Variants in L3MBTL4 observed in about 807,000 individuals in gnomAD.
The protein encoded by L3MBTL4 is L3MBTL histone methyl-lysine binding protein 4.
L3MBTL4 carries 70 observed loss-of-function variants against 84.5 expected under a neutral mutation model. That is an observed-to-expected ratio of 0.83 (90% CI 0.68 to 1.01). The LOEUF (loss-of-function observed/expected upper bound fraction) is 1.01. Ranked by LOEUF, L3MBTL4 falls within the 50% of genes least tolerant of loss-of-function variation. The probability of loss-of-function intolerance (pLI) is 0.00; values close to 1 mark genes in which losing one functional copy is unlikely to be tolerated. For missense variants in L3MBTL4, 715 were observed against 754.8 expected (o/e 0.95, Z 0.62); for synonymous variants, 274 against 259.8 (o/e 1.05, Z -0.52).
intron 16 of L3MBTL4, among the ~76,000 whole-genome samples, chr18:6,070,008 C>A (rs942137633): frequency 3.9e-5 from 6 of 151,932 alleles, no homozygotes; most frequent in Non-Finnish European, 5.9e-5. Flanking sequence ...AGAAAAATAT[C>A]CAGGCTGAAG....
At chr18:6,032,168 G>A (rs572478328) in intron 16 of L3MBTL4, 44 of 306,846 alleles carry the variant, frequency 1.4e-4, no homozygotes, top group African/African-American at 6.7e-4. Flanking sequence ...TGGTAGAGAC[G>A]GGGTTTCACT....
At chr18:6,191,550 G>A (rs959569830) in intron 12 of L3MBTL4, among the ~76,000 whole-genome samples, 1 of 152,166 alleles carries the variant, frequency 6.6e-6, no homozygotes, top group Non-Finnish European at 1.5e-5. Context: ...CGGACAAGTC[G>A]AGTAGGTAGA....
At chr18:6,093,230 T>C in intron 15 of L3MBTL4, 125 bp downstream of exon 15, 1 of 767,420 alleles carries the variant, frequency 1.3e-6, no homozygotes, top group Non-Finnish European at 2.0e-6. Flanking sequence ...GCGAACCTAA[T>C]AATATCCAGA....
intron 1 of L3MBTL4, among the ~76,000 whole-genome samples, chr18:6,361,527 A>G (rs2053694624): frequency 6.6e-6 from 1 of 152,194 alleles, no homozygotes; most frequent in African/African-American, 2.4e-5. Flanking sequence ...GAACTAAGGT[A>G]GATCAGATTA....
intron 13 of L3MBTL4, among the ~76,000 whole-genome samples, chr18:6,138,753 C>G (rs753810067): frequency 6.6e-6 from 1 of 152,054 alleles, no homozygotes; most frequent in Non-Finnish European, 1.5e-5. Flanking sequence ...GGTTTCACCA[C>G]GTTGGCCAGG....
intron 5 of L3MBTL4, among the ~76,000 whole-genome samples, chr18:6,256,243 T>C (rs2048133437): frequency 6.6e-6 from 1 of 152,222 alleles, no homozygotes; most frequent in African/African-American, 2.4e-5. Flanking sequence ...TTCTATTTAA[T>C]GTATAGGCAT....
intron 16 of L3MBTL4, among the ~76,000 whole-genome samples, chr18:6,042,565 G>C (rs146123675): frequency 1.1e-3 from 165 of 152,250 alleles, no homozygotes; most frequent in Non-Finnish European, 1.9e-3. Flanking sequence ...CAACACAATG[G>C]GTTTTCCGTC....
At chr18:6,338,525 G>C (rs1399215486) in intron 1 of L3MBTL4, among the ~76,000 whole-genome samples, 1 of 151,638 alleles carries the variant, frequency 6.6e-6, no homozygotes, top group East Asian at 1.9e-4. Flanking sequence ...TATAAAGAAA[G>C]GATAGAGATT....
At chr18:6,265,055 C>T (rs1286105231) in intron 4 of L3MBTL4, among the ~76,000 whole-genome samples, 1 of 152,100 alleles carries the variant, frequency 6.6e-6, no homozygotes, top group Non-Finnish European at 1.5e-5. Context: ...TGATATACTA[C>T]TAAGTAGGAA....
chr18:6,228,168 A>G (rs1161314391), intron 10 of L3MBTL4, among the ~76,000 whole-genome samples: 1 of 152,208 alleles, frequency 6.6e-6, no homozygotes, highest in Non-Finnish European at 1.5e-5. Flanking sequence ...AATTCAAAGG[A>G]GAACAAATAG....
At chr18:6,167,012 A>G (rs2043699839) in intron 13 of L3MBTL4, among the ~76,000 whole-genome samples, 1 of 152,238 alleles carries the variant, frequency 6.6e-6, no homozygotes, top group South Asian at 2.1e-4. Context: ...CCGATCCCAC[A>G]GAAATACAAA....
chr18:6,370,958 T>C (rs2054136555), intron 1 of L3MBTL4, among the ~76,000 whole-genome samples: 1 of 152,200 alleles, frequency 6.6e-6, no homozygotes, highest in Non-Finnish European at 1.5e-5. Context: ...GCACAGAGCA[T>C]TGTGGGGAAT....
intron 5 of L3MBTL4, among the ~76,000 whole-genome samples, chr18:6,252,228 G>T (rs1186710387): frequency 6.6e-6 from 1 of 152,136 alleles, no homozygotes; most frequent in Non-Finnish European, 1.5e-5. Flanking sequence ...CAGGAGAATT[G>T]CTTGAACCTG....
At chr18:6,364,809 CAG>C in intron 1 of L3MBTL4, among the ~76,000 whole-genome samples, 1 of 151,868 alleles carries the variant, frequency 6.6e-6, no homozygotes, top group Non-Finnish European at 1.5e-5. Context: ...TCTCAGATGT[CAG>C]TAAAGTCTTT....
chr18:6,208,556 T>TG (rs2045969045), intron 12 of L3MBTL4, among the ~76,000 whole-genome samples: 2 of 152,240 alleles, frequency 1.3e-5, no homozygotes, highest in Admixed American at 1.3e-4. Context: ...AGGGCAAATA[T>TG]TTATCAAATG....
At chr18:6,229,151 CA>C (rs1365836552) in intron 10 of L3MBTL4, among the ~76,000 whole-genome samples, 1 of 152,152 alleles carries the variant, frequency 6.6e-6, no homozygotes, top group Non-Finnish European at 1.5e-5. Context: ...AATTAAGAGA[CA>C]GTACTGGAAA....
intron 16 of L3MBTL4, chr18:6,029,808 AT>A (rs2055694182): frequency 1.0e-6 from 1 of 985,330 alleles, no homozygotes; most frequent in South Asian, 4.7e-5. Flanking sequence ...ATTTGGAAAA[AT>A]GAACGAGTAA....
At chr18:6,189,890 C>A (rs192272198) in intron 12 of L3MBTL4, among the ~76,000 whole-genome samples, 3 of 151,956 alleles carry the variant, frequency 2.0e-5, no homozygotes, top group Non-Finnish European at 4.4e-5. Context: ...TGTGAGAACC[C>A]CTCAAATACT....
At chr18:6,271,609 A>G (rs879886871) in intron 4 of L3MBTL4, among the ~76,000 whole-genome samples, 38 of 152,350 alleles carry the variant, frequency 2.5e-4, no homozygotes, top group Middle Eastern at 6.8e-3. Context: ...TGTACGTAAT[A>G]ATCTGTAAAA....
Sources: allele counts gnomAD v4.1 joint callset (sites outside exome capture counted in the v4.1 genomes callset), GRCh38; gene constraint gnomAD v4.1.1; transcripts MANE v1.5; gene names NCBI Gene and HGNC (gene_info 2026-07-23, HGNC 2026-07-21).